The following SPOCK1 variants were observed in gnomAD, a reference collection of about 807,000 sequenced individuals.
SPOCK1 encodes SPARC (osteonectin), cwcv and kazal like domains proteoglycan 1, also known as testican-1.
In SPOCK1, 23 loss-of-function variants were observed where a neutral mutation model predicts 55.3. The observed-to-expected ratio is 0.42, with a 90% confidence interval of 0.30 to 0.59. SPOCK1 has a LOEUF of 0.59. SPOCK1 is among the 20% of genes least tolerant of loss of function. The pLI, the probability that SPOCK1 is intolerant of heterozygous loss-of-function variation, is 0.22. For synonymous variants in SPOCK1, 226 were observed against 221.0 expected, an observed-to-expected ratio of 1.02 and a Z score of -0.20; for missense variants, 499 against 552.5, an observed-to-expected ratio of 0.90 and a Z score of 0.97.
intron 2 of SPOCK1, among the ~76,000 whole-genome samples, chr5:137,323,058 C>T (rs1261807763): frequency 2.6e-5 from 4 of 152,130 alleles, no homozygotes; most frequent in Admixed American, 2.6e-4. Context: ...ATTCTCATGG[C>T]CTAATCACCT....
rs1580735688 is a variant in SPOCK1 at position 137,071,933 on chromosome 5, T to A, written c.475-4104A>T. Among the ~76,000 whole-genome samples the A allele has an allele frequency of 3.3e-5, 5 of 152,342 alleles. 1 individual carries two copies. The highest frequency in any genetic ancestry group is 7.3e-5 in the Non-Finnish European group (5 of 68,028). ...TGTAAAGACTATAAATCTCTGTTGT[T>A]GAAGCACCCAGTTAGTGGCGCTTTG... On this transcript the variant is annotated intron_variant, in intron 5 of 10. Coordinates refer to ENST00000394945, the MANE Select transcript of SPOCK1 (RefSeq NM_004598.4).
At chr5:137,195,770 T>A (rs58106716) in intron 3 of SPOCK1, among the ~76,000 whole-genome samples, 21,001 of 152,218 alleles carry the variant, frequency 0.14, 1,530 homozygotes, top group East Asian at 0.22. Flanking sequence ...AAGATAGGTA[T>A]GAGTACATGA....
intron 2 of SPOCK1, among the ~76,000 whole-genome samples, chr5:137,270,275 GA>G (rs1289025099): frequency 1.2e-4 from 19 of 152,286 alleles, no homozygotes; most frequent in African/African-American, 4.1e-4. Context: ...ATCATCTAAT[GA>G]TAAAGCTTTT....
In SPOCK1 at chr5:136,992,581, C is replaced by T. The variant is rs778458850; in HGVS notation, c.609G>A (p.Leu203=). 1 of 1,613,794 alleles carries T rather than the reference C, an allele frequency of 6.2e-7. No individual in the cohort carries two copies. The highest frequency in any genetic ancestry group is 8.5e-7 in the Non-Finnish European group (1 of 1,179,826). ...CCTTCAGCCGGGAGGCAAGGTTCCG[C>T]AACTCCTTGTCTGTGCAGGCTAGAG... ...AERSACTDKE[L]RNLASRLKDW... Residue 203 remains leucine, a synonymous_variant, in exon 7 of 11, where the codon TTG becomes TTA. Transcript: ENST00000394945.
In SPOCK1 at chr5:137,131,989, A is replaced by AAAAAT. The variant is rs1391176339; in HGVS notation, c.347+8590_347+8591insATTTT. 2.9e-3 allele frequency among the ~76,000 whole-genome samples: 105 copies of AAAAAT among 36,058 alleles called. 9 individuals carry two copies. Among genetic ancestry groups the AAAAAT allele is most frequent in the African/African-American group, 0.018 (100 of 5,416 alleles). The allele number at this position is 36,058 out of a possible 152,430, so 23.7% of individuals were successfully genotyped here. A position where few individuals can be genotyped will look rare whatever the true frequency, so the allele number is the denominator to read the frequency against. ...TCCGTCTCAAAAAAAAAAAAAAAAA[A>AAAAAT]ATATATATATATATATATATATATA... On this transcript the variant is annotated intron_variant, in intron 4 of 10. Coordinates refer to ENST00000394945, the MANE Select transcript of SPOCK1 (RefSeq NM_004598.4).
chr5:137,415,585 G>T (rs577409405), intron 2 of SPOCK1, among the ~76,000 whole-genome samples: 1 of 152,296 alleles, frequency 6.6e-6, no homozygotes, highest in Non-Finnish European at 1.5e-5. Context: ...CTGGTTCAGA[G>T]GAATTCTTCA....
intron 2 of SPOCK1, among the ~76,000 whole-genome samples, chr5:137,454,237 C>T (rs575652012): frequency 1.3e-5 from 2 of 152,154 alleles, no homozygotes; most frequent in East Asian, 3.9e-4. Flanking sequence ...TATTAATGAG[C>T]TCAACAACAG....
intron 2 of SPOCK1, among the ~76,000 whole-genome samples, chr5:137,436,244 CAG>C (rs1270315454): frequency 5.9e-5 from 9 of 152,106 alleles, no homozygotes; most frequent in African/African-American, 2.2e-4. Flanking sequence ...TCCCTAATGT[CAG>C]AGTTAACCAC....
In SPOCK1 at chr5:136,992,670, C is replaced by A. The variant is rs1186776618; in HGVS notation, c.590-70G>T. The stretch of plus-strand genomic sequence containing the variant: ...TGCCTTCTGTGTGCAGGGCTACTGG[C>A]AAAGCCACGTTCAAAGCAAACCTTT... On this transcript the variant is annotated intron_variant, in intron 6 of 10. Transcript: ENST00000394945. 1.6e-5 allele frequency: 20 copies of A among 1,255,220 alleles called. No homozygotes were observed. The Middle Eastern group carries it at 6.5e-4, about 41-fold the overall frequency. The allele number at this position is 1,255,220 out of a possible 1,614,324, so 77.8% of individuals were successfully genotyped here. A position where few individuals can be genotyped will look rare whatever the true frequency, so the allele number is the denominator to read the frequency against.
At chr5:137,137,944 C>T (rs993690778) in intron 4 of SPOCK1, among the ~76,000 whole-genome samples, 1 of 152,002 alleles carries the variant, frequency 6.6e-6, no homozygotes, top group Non-Finnish European at 1.5e-5. Flanking sequence ...CTTTACACAC[C>T]ATCATTTTAT....
intron 3 of SPOCK1, among the ~76,000 whole-genome samples, chr5:137,260,202 T>A (rs1317878524): frequency 6.6e-6 from 1 of 152,100 alleles, no homozygotes; most frequent in East Asian, 1.9e-4. Flanking sequence ...TCAGCCCTCC[T>A]CCTGGCATCC....
At chr5:137,439,481 G>A (rs1752943432) in intron 2 of SPOCK1, among the ~76,000 whole-genome samples, 1 of 152,136 alleles carries the variant, frequency 6.6e-6, no homozygotes, top group Non-Finnish European at 1.5e-5. Context: ...GGGGGTGAGG[G>A]GGCTAAAGTA....
intron 2 of SPOCK1, among the ~76,000 whole-genome samples, chr5:137,468,026 T>A (rs1687729846): frequency 6.6e-6 from 1 of 152,208 alleles, no homozygotes. Context: ...CCTTCAGGGC[T>A]TAGAATTATT....
chr5:137,429,096 C>A (rs955656564), intron 2 of SPOCK1, among the ~76,000 whole-genome samples: 1 of 152,214 alleles, frequency 6.6e-6, no homozygotes, highest in Admixed American at 6.5e-5. Context: ...CTGTGAGGAT[C>A]TGGGCCCTGC....
chr5:137,064,890 C>G (rs1457193017), intron 6 of SPOCK1, among the ~76,000 whole-genome samples: 4 of 152,148 alleles, frequency 2.6e-5, no homozygotes, highest in Admixed American at 2.6e-4. Flanking sequence ...CCTCACTCCC[C>G]CAAATGTGTT....
chr5:137,061,588 C>A (rs1334803603), intron 6 of SPOCK1, among the ~76,000 whole-genome samples: 1 of 152,206 alleles, frequency 6.6e-6, no homozygotes, highest in Non-Finnish European at 1.5e-5. Context: ...TCCTACCTCC[C>A]AGCTCATGTC....
chr5:137,137,571 C>T (rs1165471930), intron 4 of SPOCK1, among the ~76,000 whole-genome samples: 1 of 152,200 alleles, frequency 6.6e-6, no homozygotes, highest in Non-Finnish European at 1.5e-5. Flanking sequence ...AAGGAGTGGG[C>T]ACACCATCTC....
chr5:137,208,709 G>A (rs1333704157), intron 3 of SPOCK1, among the ~76,000 whole-genome samples: 2 of 152,124 alleles, frequency 1.3e-5, no homozygotes, highest in South Asian at 2.1e-4. Flanking sequence ...ACAGCTACAG[G>A]TGGGAGGGAG....
intron 5 of SPOCK1, among the ~76,000 whole-genome samples, chr5:137,093,799 G>A (rs1013361849): frequency 3.3e-5 from 5 of 152,200 alleles, no homozygotes; most frequent in African/African-American, 1.2e-4. Flanking sequence ...CCACCCAAGT[G>A]ACTGGAGCAG....
Sources: allele counts gnomAD v4.1 joint callset (sites outside exome capture counted in the v4.1 genomes callset), GRCh38; gene constraint gnomAD v4.1.1; transcripts MANE v1.5; gene names NCBI Gene and HGNC (gene_info 2026-07-23, HGNC 2026-07-21).